Variants in TENM3 observed in about 807,000 individuals in gnomAD.
TENM3 encodes the protein teneurin transmembrane protein 3.
TENM3 carries 63 observed loss-of-function variants against 255.1 expected under a neutral mutation model. The ratio of observed to expected loss-of-function variants is 0.25; its 90% CI spans 0.20 to 0.30. The LOEUF is 0.30. Ranked by LOEUF, TENM3 falls within the 10% of genes least tolerant of loss-of-function variation. The pLI, the probability that TENM3 is intolerant of heterozygous loss-of-function variation, is 1.00. For synonymous variants in TENM3, 1,306 were observed against 1,322.3 expected (o/e 0.99, Z 0.27); for missense variants, 2,929 against 3,461.1 (o/e 0.85, Z 3.86).
the TENM3 span, among the ~76,000 whole-genome samples, chr4:181,646,940 A>G: frequency 6.6e-6 from 1 of 152,234 alleles, no homozygotes; most frequent in Non-Finnish European, 1.5e-5. Flanking sequence ...CAGAAATTCT[A>G]TTGTGGATTA....
Position 182,324,070 on chromosome 4 carries a change from G to A in TENM3, c.50G>A (p.Arg17Gln), listed in dbSNP as rs371491744. The A allele has an allele frequency of 3.1e-6, 5 of 1,613,874 alleles. No homozygotes were observed. The highest frequency in any genetic ancestry group is 2.2e-5 in the East Asian group (1 of 44,870). The change falls in exon 2 of 28, where the codon CGA becomes CAA. Residue 17 changes from arginine (R) to glutamine (Q), a missense_variant. This residue lies in a region of TENM3 where 283 missense variants were observed against 256.9 expected (regional missense o/e 1.10). Transcript: ENST00000511685. ...TACTGCTCCCTGACCAAGAGCAGAC[G>A]AGAGAAGGAACGGCGCTACACAAAT... The part of the protein sequence containing the change: ...RPYCSLTKSR[R>Q]EKERRYTNSS...
intron 5 of TENM3, among the ~76,000 whole-genome samples, chr4:182,630,772 A>T (rs955915141): frequency 6.7e-5 from 10 of 149,398 alleles, no homozygotes; most frequent in Admixed American, 2.7e-4. Context: ...TATTATTATT[A>T]TTTTTTTTTT....
At chr4:182,276,848 C>A (rs1190323643) in intron 1 of TENM3, among the ~76,000 whole-genome samples, 1 of 152,178 alleles carries the variant, frequency 6.6e-6, no homozygotes, top group African/African-American at 2.4e-5. Flanking sequence ...CTCTGCTGGG[C>A]ATAAAGTCTG....
chr4:182,114,081 C>G, the TENM3 span, among the ~76,000 whole-genome samples: 2 of 152,156 alleles, frequency 1.3e-5, no homozygotes, highest in African/African-American at 2.4e-5. Context: ...TTTTTGGGAT[C>G]AGCTTTCCTC....
the TENM3 span, among the ~76,000 whole-genome samples, chr4:181,901,376 G>A: frequency 1.3e-5 from 2 of 152,114 alleles, no homozygotes; most frequent in Non-Finnish European, 1.5e-5. Context: ...CAAGCCTCTA[G>A]CCTGTCCTAT....
chr4:182,730,438 T>C (rs899996510), intron 15 of TENM3, 119 bp downstream of exon 15: 3 of 1,127,804 alleles, frequency 2.7e-6, no homozygotes, highest in Non-Finnish European at 2.5e-6. Context: ...CTTTTTAGAC[T>C]CTACAAACTT....
the TENM3 span, among the ~76,000 whole-genome samples, chr4:181,573,406 G>A: frequency 6.6e-6 from 1 of 151,692 alleles, no homozygotes; most frequent in African/African-American, 2.4e-5. Flanking sequence ...AGCACTGCCT[G>A]TCTTTCTTAA....
At chr4:182,050,055 C>T in the TENM3 span, among the ~76,000 whole-genome samples, 3 of 151,842 alleles carry the variant, frequency 2.0e-5, no homozygotes, top group Non-Finnish European at 4.4e-5. Flanking sequence ...TGCAGTGGTA[C>T]AATCTCGGCT....
the TENM3 span, among the ~76,000 whole-genome samples, chr4:181,568,810 C>G: frequency 6.6e-6 from 1 of 152,150 alleles, no homozygotes; most frequent in Admixed American, 6.5e-5. Context: ...CAAGAGCAGG[C>G]TCGTCACTCC....
At chr4:181,923,388 A>T in the TENM3 span, among the ~76,000 whole-genome samples, 2 of 152,170 alleles carry the variant, frequency 1.3e-5, no homozygotes, top group Non-Finnish European at 2.9e-5. Context: ...GAGTTTGGAC[A>T]TCATAAAGTC....
chr4:181,874,722 T>C, the TENM3 span, among the ~76,000 whole-genome samples: 2 of 152,278 alleles, frequency 1.3e-5, no homozygotes, highest in East Asian at 3.9e-4. Context: ...CCCTGTACCA[T>C]CCTCCTTTCT....
the TENM3 span, among the ~76,000 whole-genome samples, chr4:181,969,010 G>A: frequency 0.52 from 70,307 of 136,192 alleles, 17,212 homozygotes; most frequent in African/African-American, 0.63. Flanking sequence ...ATATATATGT[G>A]TGTGTGTGTA....
the TENM3 span, among the ~76,000 whole-genome samples, chr4:181,728,511 A>T: frequency 6.6e-6 from 1 of 152,200 alleles, no homozygotes; most frequent in South Asian, 2.1e-4. Flanking sequence ...TTTTTAGACC[A>T]TATAGGATAA....
At chr4:181,955,346 G>A in the TENM3 span, among the ~76,000 whole-genome samples, 10 of 152,276 alleles carry the variant, frequency 6.6e-5, no homozygotes, top group Admixed American at 5.2e-4. Flanking sequence ...CACTGCAGGA[G>A]TGGCTACCTG....
At chr4:181,939,589 C>A in the TENM3 span, among the ~76,000 whole-genome samples, 2 of 152,246 alleles carry the variant, frequency 1.3e-5, no homozygotes. Context: ...TTCTGGACCT[C>A]TTCCGTGATC....
chr4:181,453,820 C>T, the TENM3 span, among the ~76,000 whole-genome samples: 11 of 152,176 alleles, frequency 7.2e-5, no homozygotes, highest in South Asian at 4.2e-4. Context: ...CAGGAACTCC[C>T]CTTGGCCAGC....
At chr4:182,563,255 A>C (rs1743401238) in intron 3 of TENM3, among the ~76,000 whole-genome samples, 1 of 152,094 alleles carries the variant, frequency 6.6e-6, no homozygotes, top group Admixed American at 6.6e-5. Flanking sequence ...TAGAGACAAA[A>C]TGCCGTCTCT....
chr4:182,738,476 A>C lies in TENM3; in HGVS notation c.3311A>C (p.Tyr1104Ser). 6 of 1,613,510 alleles carry C rather than the reference A, an allele frequency of 3.7e-6. No homozygotes were observed. Among genetic ancestry groups the C allele is most frequent in the Non-Finnish European group, 4.2e-6 (5 of 1,179,622 alleles). The change falls in exon 18 of 28, where the codon TAT becomes TCT. Residue 1104 changes from tyrosine (Y) to serine (S), a missense_variant. Around this residue, in one of 6 missense-constraint regions of TENM3, gnomAD observed 1,608 missense variants for 1,884.4 expected, o/e 0.85. Transcript: ENST00000511685. ...AAGAGGACTGCCATTCTGCAGGGCTATGAATTGGATGCGTCCAACATGGGT... is the reference window on the plus strand; with the variant it reads ...AAGAGGACTGCCATTCTGCAGGGCTCTGAATTGGATGCGTCCAACATGGGT... ...WEKRTAILQG[Y>S]ELDASNMGGW...
At chr4:181,477,403 C>T in the TENM3 span, among the ~76,000 whole-genome samples, 2 of 152,054 alleles carry the variant, frequency 1.3e-5, no homozygotes, top group Non-Finnish European at 2.9e-5. Flanking sequence ...CAGTTTCTCA[C>T]TTTTGTTTAT....
Sources: gnomAD v4.1 joint callset for allele counts (sites outside exome capture counted in the v4.1 genomes callset) on GRCh38, gnomAD v4.1.1 for gene constraint, gnomAD v4.1.1 regional missense constraint, MANE v1.5 for transcripts, NCBI Gene and HGNC (gene_info 2026-07-23, HGNC 2026-07-21) for gene names.